ANKIB1: variants seen among roughly 807,000 people sequenced by gnomAD.
ANKIB1 encodes the protein ankyrin repeat and IBR domain-containing protein 1.
A neutral mutation model predicts 122.1 loss-of-function variants in ANKIB1; 43 were observed. The observed-to-expected ratio is 0.35, with a 90% CI of 0.28 to 0.45. ANKIB1 has a LOEUF of 0.45. Among genes scored for constraint, ANKIB1 ranks in the 20% least tolerant of loss-of-function variants. The pLI, the probability that ANKIB1 is intolerant of heterozygous loss-of-function variation, is 1.00. For missense variants in ANKIB1, 992 were observed against 1,329.5 expected, an observed-to-expected ratio of 0.75 and a Z score of 3.95; for synonymous variants, 390 against 442.0, an observed-to-expected ratio of 0.88 and a Z score of 1.48.
chr7:92,320,392 T>C (rs1229681676), intron 4 of ANKIB1, among the ~76,000 whole-genome samples: 1 of 152,220 alleles, frequency 6.6e-6, no homozygotes, highest in Non-Finnish European at 1.5e-5. Context: ...TCTGCCCTCA[T>C]CTTACTTGAA....
At chr7:92,366,110 T>A (rs553826376) in intron 10 of ANKIB1, among the ~76,000 whole-genome samples, 1 of 152,256 alleles carries the variant, frequency 6.6e-6, no homozygotes, top group South Asian at 2.1e-4. Flanking sequence ...TGCCTGCTAG[T>A]TGCCTAAAAG....
At chr7:92,360,789 G>A (rs1001854738) in intron 9 of ANKIB1, among the ~76,000 whole-genome samples, 4 of 152,140 alleles carry the variant, frequency 2.6e-5, no homozygotes, top group African/African-American at 4.8e-5. Flanking sequence ...AAGTATAATC[G>A]ATGCATTCTT....
intron 2 of ANKIB1, among the ~76,000 whole-genome samples, chr7:92,295,647 TTCTAG>T (rs1254110169): frequency 2.0e-5 from 3 of 152,220 alleles, no homozygotes; most frequent in Non-Finnish European, 2.9e-5. Flanking sequence ...CATTTGCCTT[TTCTAG>T]TCATGATCAG....
At chr7:92,314,096 A>G (rs544103443) in intron 3 of ANKIB1, among the ~76,000 whole-genome samples, 1 of 152,158 alleles carries the variant, frequency 6.6e-6, no homozygotes, top group South Asian at 2.1e-4. Context: ...CCAAAAGTTC[A>G]AGATCAGCCT....
intron 11 of ANKIB1, among the ~76,000 whole-genome samples, chr7:92,378,476 T>A (rs1372718360): frequency 7.1e-6 from 1 of 140,244 alleles, no homozygotes; most frequent in Non-Finnish European, 1.5e-5. Context: ...GAAAAGCTAT[T>A]TGACAAAAAA....
At chr7:92,384,136 T>C (rs1048717504) in intron 11 of ANKIB1, among the ~76,000 whole-genome samples, 1 of 152,124 alleles carries the variant, frequency 6.6e-6, no homozygotes, top group African/African-American at 2.4e-5. Flanking sequence ...CCATTCACAA[T>C]TGCTACAAAG....
intron 2 of ANKIB1, among the ~76,000 whole-genome samples, chr7:92,296,826 A>G (rs982352048): frequency 6.6e-6 from 1 of 152,204 alleles, no homozygotes; most frequent in Non-Finnish European, 1.5e-5. Flanking sequence ...GAAAAATTTC[A>G]TAAATAATTT....
intron 1 of ANKIB1, among the ~76,000 whole-genome samples, chr7:92,247,980 G>T (rs1801225050): frequency 6.6e-6 from 1 of 152,204 alleles, no homozygotes; most frequent in Non-Finnish European, 1.5e-5. Context: ...AGGCTCAGGA[G>T]ATGTAGCTCC....
At chr7:92,320,781 T>C (rs1802892127) in intron 4 of ANKIB1, among the ~76,000 whole-genome samples, 1 of 152,218 alleles carries the variant, frequency 6.6e-6, no homozygotes, top group Admixed American at 6.5e-5. Context: ...GAATCCATAT[T>C]GTACACAGGA....
intron 5 of ANKIB1, among the ~76,000 whole-genome samples, chr7:92,339,927 G>GT (rs201881988): frequency 8.9e-4 from 121 of 135,808 alleles, no homozygotes; most frequent in Middle Eastern, 3.9e-3. Context: ...TGGTTGTAGG[G>GT]TTTTTTTTTT....
chr7:92,276,309 A>G (rs973751722), intron 1 of ANKIB1, among the ~76,000 whole-genome samples: 26 of 152,218 alleles, frequency 1.7e-4, no homozygotes, highest in Non-Finnish European at 8.8e-5. Context: ...AAACTCATTT[A>G]CCAATTTAAT....
chr7:92,281,659 T>C (rs1181476929), intron 1 of ANKIB1, among the ~76,000 whole-genome samples: 1 of 152,224 alleles, frequency 6.6e-6, no homozygotes, highest in Non-Finnish European at 1.5e-5. Flanking sequence ...CCTCTAGATT[T>C]TCCCTTGTAG....
chr7:92,276,468 A>T (rs1435195525), intron 1 of ANKIB1, among the ~76,000 whole-genome samples: 1 of 152,256 alleles, frequency 6.6e-6, no homozygotes, highest in African/African-American at 2.4e-5. Context: ...AAGTTTCCAG[A>T]TACCAATCAT....
At chr7:92,379,299 G>A (rs977447981) in intron 11 of ANKIB1, among the ~76,000 whole-genome samples, 6 of 152,180 alleles carry the variant, frequency 3.9e-5, no homozygotes, top group African/African-American at 1.4e-4. Flanking sequence ...GGCTGAGGCA[G>A]GAGAATGGTG....
At chr7:92,259,638 C>G (rs1801519244) in intron 1 of ANKIB1, among the ~76,000 whole-genome samples, 1 of 152,106 alleles carries the variant, frequency 6.6e-6, no homozygotes, top group African/African-American at 2.4e-5. Flanking sequence ...TATCTCCAGC[C>G]CAGACCTCAC....
At chr7:92,375,168 A>G (rs1804353471) in intron 11 of ANKIB1, among the ~76,000 whole-genome samples, 1 of 152,236 alleles carries the variant, frequency 6.6e-6, no homozygotes, top group African/African-American at 2.4e-5. Context: ...TCAGTGAGTC[A>G]TAGTCTATTT....
chr7:92,373,692 A>G (rs1259703160), intron 11 of ANKIB1, among the ~76,000 whole-genome samples: 2 of 152,180 alleles, frequency 1.3e-5, no homozygotes, highest in African/African-American at 4.8e-5. Context: ...GTCATGTGTA[A>G]TTGAATCCAT....
At chr7:92,251,211 C>T (rs1801323781) in intron 1 of ANKIB1, among the ~76,000 whole-genome samples, 1 of 152,096 alleles carries the variant, frequency 6.6e-6, no homozygotes, top group South Asian at 2.1e-4. Context: ...GCTGGGTCTA[C>T]AAAGATGAGT....
chr7:92,343,652 C>T (rs1243455621), intron 6 of ANKIB1, among the ~76,000 whole-genome samples: 2 of 151,956 alleles, frequency 1.3e-5, no homozygotes, highest in East Asian at 3.9e-4. Context: ...GGCAACATAG[C>T]CAGACCCCAT....
Sources: allele counts gnomAD v4.1 joint callset (sites outside exome capture counted in the v4.1 genomes callset), GRCh38; gene constraint gnomAD v4.1.1; transcripts MANE v1.5; gene names NCBI Gene and HGNC (gene_info 2026-07-23, HGNC 2026-07-21).